SIPA1L1: variants seen among roughly 807,000 people sequenced by gnomAD.
SIPA1L1 encodes signal-induced proliferation-associated 1-like protein 1.
SIPA1L1 carries 26 observed loss-of-function variants against 162.7 expected under a neutral mutation model. That is an observed-to-expected ratio of 0.16 (90% CI 0.12 to 0.22). SIPA1L1 has a LOEUF of 0.22. Among genes scored for constraint, SIPA1L1 ranks in the 10% least tolerant of loss-of-function variants. SIPA1L1 has a pLI of 1.00. For missense variants in SIPA1L1, 1,874 were observed against 2,241.0 expected (o/e 0.84, Z 3.31); for synonymous variants, 829 against 837.4 (o/e 0.99, Z 0.17).
intron 2 of SIPA1L1, chr14:71,330,717 G>T: frequency 1.1e-6 from 1 of 872,242 alleles, no homozygotes; most frequent in Non-Finnish European, 2.0e-6. Context: ...AGGCAGGCAG[G>T]AAAACCACCG....
chr14:71,345,184 A>G (rs779701320), intron 2 of SIPA1L1, among the ~76,000 whole-genome samples: 5 of 152,126 alleles, frequency 3.3e-5, no homozygotes, highest in African/African-American at 9.7e-5. Context: ...TAAGGACTGT[A>G]CTATGGCCAT....
intron 13 of SIPA1L1, among the ~76,000 whole-genome samples, chr14:71,691,615 G>C (rs2081261194): frequency 6.6e-6 from 1 of 152,014 alleles, no homozygotes. Flanking sequence ...TGTCTATGTG[G>C]ACTTGCCTTT....
intron 17 of SIPA1L1, among the ~76,000 whole-genome samples, chr14:71,717,922 G>T (rs560449581): frequency 4.6e-5 from 7 of 152,296 alleles, no homozygotes; most frequent in Admixed American, 2.6e-4. Flanking sequence ...CACAAGCCCA[G>T]GATTCCCCAG....
At chr14:71,436,953 A>G (rs564896259) in intron 2 of SIPA1L1, among the ~76,000 whole-genome samples, 3 of 151,504 alleles carry the variant, frequency 2.0e-5, no homozygotes, top group African/African-American at 7.3e-5. Context: ...TTTAGTAGAG[A>G]CGGGGTTTCA....
chr14:71,506,351 A>T (rs751702460), intron 2 of SIPA1L1, among the ~76,000 whole-genome samples: 21 of 151,780 alleles, frequency 1.4e-4, no homozygotes, highest in Non-Finnish European at 2.4e-4. Flanking sequence ...ATATATATAT[A>T]TTTTTGGAGA....
chr14:71,697,093 T>G (rs1252846223), intron 13 of SIPA1L1, among the ~76,000 whole-genome samples: 1 of 152,110 alleles, frequency 6.6e-6, no homozygotes, highest in East Asian at 1.9e-4. Context: ...CTCTATCCTG[T>G]AGGCAAAGGG....
rs770305779 is a variant in SIPA1L1 at position 71,506,362 on chromosome 14, C to CA, written c.-464-6380dup. Among the ~76,000 whole-genome samples the CA allele has an allele frequency of 1.3e-4, 20 of 151,686 alleles. No individual in the cohort carries two copies. The South Asian group carries it at 3.1e-3, about 24-fold the overall frequency. On this transcript the variant is annotated intron_variant, in intron 2 of 23. Transcript: ENST00000381232. ...ATACATATATATATATTTTTGGAGA[C>CA]AGAGTTTTGCTCTTTTTGCCTAGGA...
intron 3 of SIPA1L1, among the ~76,000 whole-genome samples, 182 bp from the exon 4 acceptor site, chr14:71,529,130 G>T (rs1040653345): frequency 4.0e-5 from 6 of 151,352 alleles, no homozygotes; most frequent in Non-Finnish European, 7.4e-5. Flanking sequence ...AAAAAAGAAA[G>T]AAATATGATA....
Position 71,671,605 on chromosome 14 carries a change from C to G in SIPA1L1, c.2742C>G (p.Leu914=). ...VIGWTSTDTS[L]KIFYERGECV... The stretch of plus-strand genomic sequence containing the variant: ...GGTGGACTTCAACTGACACCAGCCT[C>G]AAAATCTTCTATGAACGAGGAGAAT... The change falls in exon 11 of 24, where the codon CTC becomes CTG. Residue 914 remains leucine, a synonymous_variant. Transcript: ENST00000381232. 6.2e-7 allele frequency: 1 copy of G among 1,614,190 alleles called. No individual in the cohort carries two copies. Among genetic ancestry groups the G allele is most frequent in the Non-Finnish European group, 8.5e-7 (1 of 1,180,028 alleles).
chr14:71,524,964 C>G (rs1423636711), intron 3 of SIPA1L1, among the ~76,000 whole-genome samples: 1 of 151,794 alleles, frequency 6.6e-6, no homozygotes, highest in Admixed American at 6.6e-5. Context: ...TCCTTTTTTT[C>G]TTTTCACTTG....
At chr14:71,344,194 G>A (rs1207502086) in intron 2 of SIPA1L1, among the ~76,000 whole-genome samples, 1 of 152,184 alleles carries the variant, frequency 6.6e-6, no homozygotes, top group Non-Finnish European at 1.5e-5. Context: ...TTAATTGCTT[G>A]TTTACAGTCA....
intron 7 of SIPA1L1, among the ~76,000 whole-genome samples, chr14:71,629,806 A>G (rs1049281767): frequency 6.6e-6 from 1 of 152,228 alleles, no homozygotes; most frequent in Admixed American, 6.5e-5. Context: ...AGTAAGGGAG[A>G]AAGTGATCAT....
chr14:71,445,560 G>A (rs370691121), intron 2 of SIPA1L1, among the ~76,000 whole-genome samples: 2 of 151,996 alleles, frequency 1.3e-5, no homozygotes, highest in African/African-American at 4.8e-5. Flanking sequence ...CTCTCAAATC[G>A]GTTGTACTGG....
intron 2 of SIPA1L1, among the ~76,000 whole-genome samples, chr14:71,397,588 G>A (rs914738512): frequency 1.3e-5 from 2 of 152,052 alleles, no homozygotes; most frequent in African/African-American, 4.8e-5. Context: ...AAACCTTTTG[G>A]TAGCTGCTCA....
chr14:71,424,376 T>C (rs1215953785), intron 2 of SIPA1L1, among the ~76,000 whole-genome samples: 2 of 152,108 alleles, frequency 1.3e-5, no homozygotes, highest in Non-Finnish European at 2.9e-5. Flanking sequence ...GCTTTTATTT[T>C]AGACTTTCAT....
intron 3 of SIPA1L1, among the ~76,000 whole-genome samples, chr14:71,519,820 G>C (rs2052122441): frequency 6.6e-6 from 1 of 151,756 alleles, no homozygotes; most frequent in South Asian, 2.1e-4. Flanking sequence ...GTAAGACCTA[G>C]TCTCTTATGG....
At chr14:71,453,174 T>C (rs1468837161) in intron 2 of SIPA1L1, among the ~76,000 whole-genome samples, 1 of 152,252 alleles carries the variant, frequency 6.6e-6, no homozygotes, top group Non-Finnish European at 1.5e-5. Context: ...TTTCTGGCTT[T>C]AGTGCAGTAA....
At chr14:71,471,900 G>T in intron 2 of SIPA1L1, among the ~76,000 whole-genome samples, 1 of 152,246 alleles carries the variant, frequency 6.6e-6, no homozygotes, top group South Asian at 2.1e-4. Context: ...AGATAGGAGT[G>T]CTAGAGACCA....
At chr14:71,573,616 A>T (rs1007127167) in intron 4 of SIPA1L1, 4 of 456,642 alleles carry the variant, frequency 8.8e-6, no homozygotes, top group Admixed American at 2.3e-5. Flanking sequence ...GGCAGAGGAA[A>T]ATCCCTCCTG....
Sources: gnomAD v4.1 joint callset for allele counts (sites outside exome capture counted in the v4.1 genomes callset) on GRCh38, gnomAD v4.1.1 for gene constraint, MANE v1.5 for transcripts, NCBI Gene and HGNC (gene_info 2026-07-23, HGNC 2026-07-21) for gene names.